ATP10D: variants seen among roughly 807,000 people sequenced by gnomAD.
The protein encoded by ATP10D is phospholipid-transporting ATPase VD.
A neutral mutation model predicts 144.8 loss-of-function variants in ATP10D; 89 were observed. The observed-to-expected ratio is 0.61, with a 90% confidence interval of 0.52 to 0.73. The LOEUF (loss-of-function observed/expected upper bound fraction) is 0.73. ATP10D is among the 30% of genes least tolerant of loss of function. The pLI is 0.00. For missense variants in ATP10D, 1,603 were observed against 1,714.8 expected (o/e 0.93, Z 1.15); for synonymous variants, 571 against 615.1 (o/e 0.93, Z 1.06).
intron 10 of ATP10D, among the ~76,000 whole-genome samples, chr4:47,552,342 T>C (rs563174719): frequency 6.6e-6 from 1 of 152,326 alleles, no homozygotes; most frequent in African/African-American, 2.4e-5. Context: ...ACTGGGTAGC[T>C]TAGAAACAAC....
intron 1 of ATP10D, among the ~76,000 whole-genome samples, chr4:47,508,273 C>T (rs142612056): frequency 6.6e-4 from 101 of 152,252 alleles, no homozygotes; most frequent in African/African-American, 2.4e-3. Flanking sequence ...TGTATCCTAC[C>T]TAATGCTGCT....
At chr4:47,536,387 T>C (rs1001782239) in intron 7 of ATP10D, 50 bp from the exon 8 acceptor site, 1 of 1,595,466 alleles carries the variant, frequency 6.3e-7, no homozygotes, top group Non-Finnish European at 8.5e-7. Context: ...ATTTTTTGTT[T>C]GCATGCCATA....
At chr4:47,565,294 G>A (rs558243596) in intron 15 of ATP10D, among the ~76,000 whole-genome samples, 1 of 152,240 alleles carries the variant, frequency 6.6e-6, no homozygotes, top group East Asian at 1.9e-4. Context: ...ACCTCAACCA[G>A]CACTCAGCTA....
At chr4:47,566,709 G>A (rs34159996) in intron 15 of ATP10D, among the ~76,000 whole-genome samples, 1,987 of 152,242 alleles carry the variant, frequency 0.013, 12 homozygotes, top group Middle Eastern at 0.037. Flanking sequence ...CTCTGAATTA[G>A]CAAACACTGA....
rs934523854 is a variant in ATP10D, at chr4:47,593,180, A to T, written c.*1799A>T. The T allele has an allele frequency of 2.0e-5, 3 of 152,124 alleles. No individual in the cohort carries two copies. Among genetic ancestry groups the T allele is most frequent in the African/African-American group, 7.2e-5 (3 of 41,452 alleles). The allele number at this position is 152,124 out of a possible 1,614,324, so 9.4% of individuals were successfully genotyped here. A position where few individuals can be genotyped will look rare whatever the true frequency, so the allele number is the denominator to read the frequency against. ...ATACTAAGGAAAAAGAACAATTTTC[A>T]ATTTTCAGAAATGAATTATCTGTAC... On this transcript the variant is annotated 3_prime_UTR_variant, in exon 23 of 23. Coordinates refer to ENST00000273859, the MANE Select transcript of ATP10D (RefSeq NM_020453.4).
chr4:47,549,042 G>A (rs1275587774), intron 10 of ATP10D, among the ~76,000 whole-genome samples: 1 of 152,204 alleles, frequency 6.6e-6, no homozygotes, highest in Non-Finnish European at 1.5e-5. Flanking sequence ...GAGGATGCTA[G>A]GCAGGGTGCT....
intron 21 of ATP10D, among the ~76,000 whole-genome samples, chr4:47,585,571 A>T (rs1720746180): frequency 6.6e-6 from 1 of 152,068 alleles, no homozygotes; most frequent in Non-Finnish European, 1.5e-5. Context: ...TATGCTATCA[A>T]ATAGTAGGTC....
At chr4:47,524,221 C>T (rs981986597) in intron 4 of ATP10D, among the ~76,000 whole-genome samples, 8 of 152,070 alleles carry the variant, frequency 5.3e-5, no homozygotes, top group South Asian at 2.1e-4. Context: ...CCACTGCGCT[C>T]GGTCTATTTT....
At chr4:47,519,335 C>A (rs998030478) in intron 3 of ATP10D, among the ~76,000 whole-genome samples, 1 of 152,094 alleles carries the variant, frequency 6.6e-6, no homozygotes, top group Non-Finnish European at 1.5e-5. Flanking sequence ...TGCTACTGAA[C>A]TTATAAGAAA....
intron 3 of ATP10D, among the ~76,000 whole-genome samples, chr4:47,521,342 C>T (rs1560422025): frequency 1.3e-5 from 2 of 152,296 alleles, no homozygotes; most frequent in African/African-American, 4.8e-5. Flanking sequence ...CCTCATAGTA[C>T]ACGTTAGGAA....
At chr4:47,501,248 A>C (rs561439829) in intron 1 of ATP10D, among the ~76,000 whole-genome samples, 1 of 152,266 alleles carries the variant, frequency 6.6e-6, no homozygotes, top group African/African-American at 2.4e-5. Context: ...GTGATATTGG[A>C]GTTGGGTTAA....
chr4:47,536,071 C>A, intron 7 of ATP10D, 38 bp downstream of exon 7: 1 of 1,582,276 alleles, frequency 6.3e-7, no homozygotes, highest in Non-Finnish European at 8.6e-7. Context: ...ATCTTTTCAG[C>A]AAGATATTAA....
At chr4:47,491,157 A>G in intron 1 of ATP10D, 3 of 738,908 alleles carry the variant, frequency 4.1e-6, no homozygotes, top group Non-Finnish European at 7.6e-6. Context: ...TCAGGAAGGT[A>G]TCTCGCCTAT....
At chr4:47,512,872 A>G (rs1716428274) in intron 2 of ATP10D, 42 bp downstream of exon 2, 2 of 1,518,034 alleles carry the variant, frequency 1.3e-6, no homozygotes, top group East Asian at 2.3e-5. Context: ...ATATCATTCT[A>G]GTTGATATAT....
intron 1 of ATP10D, chr4:47,491,013 C>T (rs1715043580): frequency 1.4e-6 from 1 of 705,060 alleles, no homozygotes; most frequent in Admixed American, 1.8e-5. Context: ...GAAGAGGTTC[C>T]AGCAGCTCAG....
chr4:47,558,381 C>A, intron 12 of ATP10D, 108 bp downstream of exon 12: 1 of 1,431,774 alleles, frequency 7.0e-7, no homozygotes, highest in Non-Finnish European at 9.4e-7. Context: ...GGGGACTAAT[C>A]ACATTTGGTG....
At chr4:47,557,258 A>G (rs1374644632) in intron 11 of ATP10D, among the ~76,000 whole-genome samples, 4 of 152,024 alleles carry the variant, frequency 2.6e-5, no homozygotes, top group African/African-American at 9.7e-5. Context: ...CACAGATAAG[A>G]TCATGGAATT....
intron 1 of ATP10D, among the ~76,000 whole-genome samples, chr4:47,500,364 A>G (rs964291969): frequency 6.6e-6 from 1 of 152,250 alleles, no homozygotes; most frequent in African/African-American, 2.4e-5. Flanking sequence ...CTGTAATTAT[A>G]TGGGAGCCTT....
intron 2 of ATP10D, 124 bp from the exon 3 acceptor site, chr4:47,515,352 C>G (rs112932074): frequency 8.6e-6 from 6 of 697,770 alleles, no homozygotes; most frequent in African/African-American, 5.3e-5. Context: ...TCTGCTAGTT[C>G]TATATTCTGT....
Sources: gnomAD v4.1 joint callset for allele counts (sites outside exome capture counted in the v4.1 genomes callset) on GRCh38, gnomAD v4.1.1 for gene constraint, MANE v1.5 for transcripts, NCBI Gene and HGNC (gene_info 2026-07-23, HGNC 2026-07-21) for gene names.